Variants in CADPS observed in about 807,000 individuals in gnomAD.
CADPS encodes the protein calcium dependent secretion activator, also known as calcium-dependent secretion activator 1.
In CADPS, 57 loss-of-function variants were observed where a neutral mutation model predicts 167.3. The ratio of observed to expected loss-of-function variants is 0.34; its 90% CI spans 0.28 to 0.42. CADPS has a LOEUF of 0.42. CADPS is among the 20% of genes least tolerant of loss of function. CADPS has a pLI of 1.00. For synonymous variants in CADPS, 676 were observed against 635.3 expected (o/e 1.06, Z -0.96); for missense variants, 1,414 against 1,738.1 (o/e 0.81, Z 3.32).
At position 62,831,385 on chromosome 3, in the gene CADPS, C is replaced by T. The variant is rs528399478; in HGVS notation, c.441+43204G>A. ...ACTTCAGAAACCGTGCTTTTATCCC[C>T]TGCATGAGGCTGCTTCTGTAACAAC... On this transcript the variant is annotated intron_variant, in intron 1 of 29. Transcript: ENST00000383710. Among the ~76,000 whole-genome samples the T allele has an allele frequency of 3.9e-5, 6 of 152,238 alleles. No homozygotes were observed. The East Asian group carries it at 1.2e-3, about 29-fold the overall frequency.
Position 62,458,575 on chromosome 3 carries a change from G to A in CADPS, c.3636+6792C>T, listed in dbSNP as rs781728004. Among the ~76,000 whole-genome samples, 22 of 151,966 alleles carry A rather than the reference G, an allele frequency of 1.4e-4. No homozygotes were observed. Among genetic ancestry groups the A allele is most frequent in the Non-Finnish European group, 1.5e-4 (10 of 67,994 alleles). ...ACGATTTCAGCTCACTACAACCTCC[G>A]CCTCCCGAGTTCAAGCAATTCTCCT... is the stretch of plus-strand genomic sequence containing the variant. On this transcript the variant is annotated intron_variant, in intron 26 of 29. Coordinates refer to ENST00000383710, the MANE Select transcript of CADPS (RefSeq NM_003716.4). The surrounding 1 kb of genome is among the most constrained non-coding windows in gnomAD (Gnocchi z 4.6).
intron 22 of CADPS, among the ~76,000 whole-genome samples, chr3:62,480,439 A>G (rs1026159567): frequency 6.6e-6 from 1 of 152,016 alleles, no homozygotes; most frequent in Non-Finnish European, 1.5e-5. Flanking sequence ...AAATTTTTGG[A>G]GGTTGTAATT....
intron 9 of CADPS, among the ~76,000 whole-genome samples, chr3:62,568,913 G>A (rs1274702948): frequency 6.6e-6 from 1 of 152,170 alleles, no homozygotes; most frequent in African/African-American, 2.4e-5. Context: ...GTCTACTTCT[G>A]CTGTTTGCAT....
At chr3:62,864,502 T>C (rs1212707700) in intron 1 of CADPS, among the ~76,000 whole-genome samples, 1 of 152,172 alleles carries the variant, frequency 6.6e-6, no homozygotes, top group East Asian at 1.9e-4. Context: ...GGCGTAAGAA[T>C]CTGTTCCATG....
At chr3:62,779,519 C>A (rs2091121011) in intron 1 of CADPS, 3 of 537,266 alleles carry the variant, frequency 5.6e-6, no homozygotes, top group Non-Finnish European at 7.6e-6. Flanking sequence ...TCTTCTTGGC[C>A]CATCATGTGG....
chr3:62,697,580 T>C (rs1240751607), intron 3 of CADPS, among the ~76,000 whole-genome samples: 3 of 152,060 alleles, frequency 2.0e-5, no homozygotes, highest in Non-Finnish European at 4.4e-5. Context: ...TGTGCAAGCG[T>C]CTTTTTTGTA....
At chr3:62,807,088 G>C (rs1263972405) in intron 1 of CADPS, among the ~76,000 whole-genome samples, 1 of 152,138 alleles carries the variant, frequency 6.6e-6, no homozygotes, top group Non-Finnish European at 1.5e-5. Context: ...GGGTCTATCA[G>C]GGAATAAGAC....
intron 1 of CADPS, among the ~76,000 whole-genome samples, chr3:62,809,381 G>A (rs1398972940): frequency 2.0e-5 from 3 of 152,102 alleles, no homozygotes; most frequent in East Asian, 3.9e-4. Context: ...TCTTTTACTG[G>A]ATGCCAGTGC....
intron 3 of CADPS, among the ~76,000 whole-genome samples, chr3:62,682,006 A>C (rs1218978635): frequency 6.6e-6 from 1 of 152,086 alleles, no homozygotes; most frequent in East Asian, 1.9e-4. Flanking sequence ...TGCATTACGA[A>C]GTATTTATTG....
At chr3:62,597,914 T>C (rs549072010) in intron 6 of CADPS, among the ~76,000 whole-genome samples, 10 of 152,076 alleles carry the variant, frequency 6.6e-5, no homozygotes, top group African/African-American at 2.4e-4. Context: ...TCTCATCTAA[T>C]CAGGACTGGC....
chr3:62,492,157 G>C, intron 20 of CADPS, 133 bp downstream of exon 20: 2 of 740,246 alleles, frequency 2.7e-6, no homozygotes, highest in Non-Finnish European at 4.5e-6. Flanking sequence ...TTCTTTTTGG[G>C]GGGTGGGGTT....
intron 1 of CADPS, among the ~76,000 whole-genome samples, chr3:62,774,857 G>A (rs1020134020): frequency 6.6e-6 from 1 of 152,032 alleles, no homozygotes; most frequent in Non-Finnish European, 1.5e-5. Context: ...TCAGACAAAT[G>A]GGATAGTCTT....
intron 1 of CADPS, among the ~76,000 whole-genome samples, chr3:62,818,193 T>C (rs2094718493): frequency 6.6e-6 from 1 of 152,166 alleles, no homozygotes; most frequent in South Asian, 2.1e-4. Flanking sequence ...CAGATACAGT[T>C]GAAGTCTTAG....
At chr3:62,507,845 T>C (rs2066971584) in intron 17 of CADPS, among the ~76,000 whole-genome samples, 1 of 152,214 alleles carries the variant, frequency 6.6e-6, no homozygotes, top group Non-Finnish European at 1.5e-5. Flanking sequence ...TTCAAACAAA[T>C]AATAAATTAA....
intron 11 of CADPS, among the ~76,000 whole-genome samples, chr3:62,541,766 G>A (rs1054121729): frequency 2.0e-5 from 3 of 151,904 alleles, no homozygotes; most frequent in Non-Finnish European, 4.4e-5. Flanking sequence ...TGATATTTGG[G>A]TTCATTTCAT....
chr3:62,686,653 A>G lies in CADPS; in HGVS notation c.889-24259T>C, dbSNP rs553488644. The stretch of plus-strand genomic sequence containing the variant: ...ATGTACTTAAGGGTGTGTCATTCCC[A>G]TTCTTTCTGATTTTGCCTTTTTGAA... On this transcript the variant is annotated intron_variant, in intron 3 of 29. Transcript: ENST00000383710. Among the ~76,000 whole-genome samples, 5 of 152,090 alleles carry G rather than the reference A, an allele frequency of 3.3e-5. No individual in the cohort carries two copies. The South Asian group carries it at 1.0e-3, about 32-fold the overall frequency.
chr3:62,651,378 TA>T (rs1331956199), intron 4 of CADPS, among the ~76,000 whole-genome samples: 4 of 152,320 alleles, frequency 2.6e-5, no homozygotes, highest in African/African-American at 9.6e-5. Flanking sequence ...ATTTGATTTG[TA>T]GGAAGAAAAA....
intron 1 of CADPS, among the ~76,000 whole-genome samples, chr3:62,788,004 A>G (rs2092616160): frequency 1.3e-5 from 2 of 152,160 alleles, no homozygotes; most frequent in South Asian, 2.1e-4. Flanking sequence ...GTAATCTTCA[A>G]TGTGTCTTTA....
intron 3 of CADPS, among the ~76,000 whole-genome samples, chr3:62,734,184 C>T (rs1004521725): frequency 1.3e-5 from 2 of 152,128 alleles, no homozygotes; most frequent in African/African-American, 4.8e-5. Flanking sequence ...CCTATGTACC[C>T]ATTCATAAAT....
Sources: allele counts gnomAD v4.1 joint callset (sites outside exome capture counted in the v4.1 genomes callset), GRCh38; gene constraint gnomAD v4.1.1; non-coding constraint Gnocchi (gnomAD v3.1); transcripts MANE v1.5; gene names NCBI Gene and HGNC (gene_info 2026-07-23, HGNC 2026-07-21).